Variants in SEPSECS observed in about 807,000 individuals in gnomAD.
SEPSECS encodes the protein Sep (O-phosphoserine) tRNA:Sec (selenocysteine) tRNA synthase, also known as O-phosphoseryl-tRNA(Sec) selenium transferase.
In SEPSECS, 42 loss-of-function variants were observed where a neutral mutation model predicts 52.1. The ratio of observed to expected loss-of-function variants is 0.81; its 90% confidence interval spans 0.63 to 1.04. The LOEUF (loss-of-function observed/expected upper bound fraction) is 1.04, where lower values mean the gene tolerates loss of function less well. Among genes scored for constraint, SEPSECS ranks in the 50% least tolerant of loss-of-function variants. SEPSECS has a pLI of 0.00. For synonymous variants in SEPSECS, 216 were observed against 211.4 expected (o/e 1.02, Z -0.19); for missense variants, 590 against 610.6 (o/e 0.97, Z 0.36).
Position 25,124,162 on chromosome 4 carries a change from A to T in SEPSECS, c.1275T>A (p.His425Gln), listed in dbSNP as rs1312152174. Reference protein sequence around the residue: ...SGYTFRGFMSHTNNYPCAYLN... With the variant: ...SGYTFRGFMSQTNNYPCAYLN... ...GGTAAGCACAAGGGTAATTATTTGT[A>T]TGTGACATAAAGCCTCTGAAAGTAT... is the stretch of plus-strand genomic sequence containing the variant. Residue 425 changes from histidine (H) to glutamine (Q), a missense_variant, in exon 11 of 11, where the codon CAT becomes CAA. Physicochemically the swap from His to Gln is conservative, Grantham distance 24. Transcript: ENST00000382103. The T allele has an allele frequency of 6.2e-7, 1 of 1,613,572 alleles. No individual in the cohort carries two copies. Among genetic ancestry groups the T allele is most frequent in the Non-Finnish European group, 8.5e-7 (1 of 1,179,758 alleles).
At chr4:25,148,643 T>G (rs909841950) in intron 6 of SEPSECS, among the ~76,000 whole-genome samples, 1 of 152,186 alleles carries the variant, frequency 6.6e-6, no homozygotes, top group Non-Finnish European at 1.5e-5. Flanking sequence ...GTTCTAACGT[T>G]CAATAGCACA....
chr4:25,157,214 GC>G (rs1473095676), intron 2 of SEPSECS, among the ~76,000 whole-genome samples: 1 of 152,030 alleles, frequency 6.6e-6, no homozygotes, highest in Non-Finnish European at 1.5e-5. Context: ...TTCTCCCTAT[GC>G]CCACATGCTA....
chr4:25,135,341 G>C (rs1728799425), intron 8 of SEPSECS, among the ~76,000 whole-genome samples: 1 of 151,298 alleles, frequency 6.6e-6, no homozygotes, highest in African/African-American at 2.4e-5. Context: ...TAAGAAAAGA[G>C]AGAAGAATCA....
Position 25,155,123 on chromosome 4 carries a change from A to G in SEPSECS, c.576T>C (p.Val192=), listed in dbSNP as rs1712545122. The G allele has an allele frequency of 6.2e-7, 1 of 1,614,040 alleles. No homozygotes were observed. Among genetic ancestry groups the G allele is most frequent in the East Asian group, 2.2e-5 (1 of 44,892 alleles). The change falls in exon 5 of 11, where the codon GTT becomes GTC. Residue 192 remains valine, a synonymous_variant. Coordinates refer to ENST00000382103, the MANE Select transcript of SEPSECS (RefSeq NM_016955.4). ...AGFEPVVIEN[V]LEGDELRTDL... is the part of the protein sequence containing the mutation. ...CTGTACGCAGCTCGTCACCTTCCAA[A>G]ACATTTTCTATCACCACAGGCTCAA...
At chr4:25,131,460 CCA>C (rs1198377675) in intron 8 of SEPSECS, among the ~76,000 whole-genome samples, 1 of 152,166 alleles carries the variant, frequency 6.6e-6, no homozygotes, top group African/African-American at 2.4e-5. Context: ...AGACAGATGT[CCA>C]TATTGGAGGA....
rs942514530 is a variant in SEPSECS at position 25,120,358 on chromosome 4, C to G, written c.*3573G>C. 2 of 151,940 alleles carry G rather than the reference C, an allele frequency of 1.3e-5. No homozygotes were observed. Among genetic ancestry groups the G allele is most frequent in the Admixed American group, 1.3e-4 (2 of 15,252 alleles). 9.4% of individuals were successfully genotyped at this position (151,940 alleles called of 1,614,324 possible). A position where few individuals can be genotyped will look rare whatever the true frequency, so the allele number is the denominator to read the frequency against. ...CTTACCATCTTACATGCGCACATAC[C>G]AAAAGGGCAAAAGGAAAGTAAAAAG... On this transcript the variant is annotated 3_prime_UTR_variant, in exon 11 of 11. Coordinates refer to ENST00000382103, the MANE Select transcript of SEPSECS (RefSeq NM_016955.4).
At chr4:25,153,374 A>T (rs925529884) in intron 5 of SEPSECS, among the ~76,000 whole-genome samples, 2 of 151,878 alleles carry the variant, frequency 1.3e-5, no homozygotes, top group African/African-American at 4.8e-5. Flanking sequence ...AAAGAAAAAA[A>T]ATAACTTGTG....
At chr4:25,157,221 T>A (rs1712722285) in intron 2 of SEPSECS, among the ~76,000 whole-genome samples, 1 of 152,214 alleles carries the variant, frequency 6.6e-6, no homozygotes, top group Admixed American at 6.5e-5. Flanking sequence ...TATGCCCACA[T>A]GCTACTCCCA....
At chr4:25,158,830 G>A (rs903962862) in intron 2 of SEPSECS, 123 bp downstream of exon 2, 1 of 945,840 alleles carries the variant, frequency 1.1e-6, no homozygotes, top group Non-Finnish European at 1.7e-6. Flanking sequence ...ATATCCATTA[G>A]AGCAGGGAAG....
chr4:25,154,989 A>G lies in SEPSECS; in HGVS notation c.701+9T>C. On this transcript the variant is annotated intron_variant, in intron 5 of 10. Transcript: ENST00000382103. The stretch of plus-strand genomic sequence containing the variant: ...AACAGCTAAAGGACAATATTCACAA[A>G]TCATTTACCTATCAGGCACCCTTGG... 1 of 1,613,714 alleles carries G rather than the reference A, an allele frequency of 6.2e-7. No individual in the cohort carries two copies. Among genetic ancestry groups the G allele is most frequent in the Non-Finnish European group, 8.5e-7 (1 of 1,179,600 alleles).
At chr4:25,137,473 C>T (rs1027938366) in intron 8 of SEPSECS, among the ~76,000 whole-genome samples, 1 of 152,162 alleles carries the variant, frequency 6.6e-6, no homozygotes, top group African/African-American at 2.4e-5. Flanking sequence ...AAAAGCTCAA[C>T]ATCACTGATC....
At chr4:25,158,322 CATTTAAAAGA>C (rs1712813870) in intron 2 of SEPSECS, among the ~76,000 whole-genome samples, 8 of 152,158 alleles carry the variant, frequency 5.3e-5, no homozygotes, top group Admixed American at 5.2e-4. Flanking sequence ...ACAGGAGTTT[CATTTAAAAGA>C]GTTTACACTT....
rs1422069022 is a variant in SEPSECS, at chr4:25,160,312, G to A, written c.58C>T (p.Gln20Ter). Residue 20 changes from glutamine (Q) to a stop codon, truncating the protein, a stop_gained, in exon 1 of 11, where the codon CAG becomes TAG. Coordinates refer to ENST00000382103, the MANE Select transcript of SEPSECS (RefSeq NM_016955.4). LOFTEE classifies it high-confidence loss of function. Reference sequence around the variant, plus strand: ...TGCGAGCGGCGGGCCTCACAGCCCTGCCGCACGTAAGCCGGCGACACCAGC... The same window carrying A: ...TGCGAGCGGCGGGCCTCACAGCCCTACCGCACGTAAGCCGGCGACACCAGC... ...ERLVSPAYVR[Q>*]GCEARRSHEH... The A allele has an allele frequency of 6.5e-7, 1 of 1,549,560 alleles. No individual in the cohort carries two copies. The highest frequency in any genetic ancestry group is 8.7e-7 in the Non-Finnish European group (1 of 1,146,374).
chr4:25,141,437 T>C (rs949040564), intron 8 of SEPSECS, among the ~76,000 whole-genome samples: 1 of 152,192 alleles, frequency 6.6e-6, no homozygotes, highest in East Asian at 1.9e-4. Flanking sequence ...TCAAATTCAA[T>C]TTTGTCCAAA....
intron 6 of SEPSECS, among the ~76,000 whole-genome samples, chr4:25,150,235 T>C (rs1220903611): frequency 6.6e-6 from 1 of 152,242 alleles, no homozygotes; most frequent in Non-Finnish European, 1.5e-5. Flanking sequence ...GTGAATAACT[T>C]ATGCCCACAT....
intron 5 of SEPSECS, among the ~76,000 whole-genome samples, chr4:25,154,084 A>C (rs1283653738): frequency 2.0e-5 from 3 of 152,166 alleles, no homozygotes; most frequent in Non-Finnish European, 4.4e-5. Context: ...TTGAAAGCTG[A>C]TTGGTAAGTA....
In SEPSECS at chr4:25,156,162, G is replaced by C. The variant is rs148753854; in HGVS notation, c.422C>G (p.Pro141Arg). ...VHTVANCFVV[P>R]MATGMSLTLC... ...AGTTAGACTCATACCAGTTGCCATA[G>C]GAACTACAAAGCAGTTGGCTACTGT... The change falls in exon 4 of 11, where the codon CCT (proline) becomes CGT (arginine). Residue 141 changes from proline to arginine, a missense_variant. Coordinates refer to ENST00000382103, the MANE Select transcript of SEPSECS (RefSeq NM_016955.4). 3 of 1,613,900 alleles carry C rather than the reference G, an allele frequency of 1.9e-6. No individual in the cohort carries two copies. The highest frequency in any genetic ancestry group is 2.7e-5 in the African/African-American group (2 of 74,912).
rs372213994 is a variant in SEPSECS at position 25,125,674 on chromosome 4, T to A, written c.1211+20A>T. 10 of 1,528,202 alleles carry A rather than the reference T, an allele frequency of 6.5e-6. No individual in the cohort carries two copies. Among genetic ancestry groups the A allele is most frequent in the Non-Finnish European group, 9.1e-6 (10 of 1,103,436 alleles). The allele number at this position is 1,528,202 out of a possible 1,614,324, so 94.7% of individuals were successfully genotyped here. ...GTTTGAAAAGACAAATAAACCCATA[T>A]CTATCTTAAACATACTTACCTGGCT... On this transcript the variant is annotated intron_variant, in intron 10 of 10. Transcript: ENST00000382103.
chr4:25,121,205 G>GA lies in SEPSECS; in HGVS notation c.*2725dup, dbSNP rs1189307151. 1 of 152,082 alleles carries GA rather than the reference G, an allele frequency of 6.6e-6. No individual in the cohort carries two copies. Among genetic ancestry groups the GA allele is most frequent in the Non-Finnish European group, 1.5e-5 (1 of 67,962 alleles). The allele number at this position is 152,082 out of a possible 1,614,324, so 9.4% of individuals were successfully genotyped here. ...CACATATCATTCCCTGATAGAGCGAGAATTCATCAGCAGAGGACCTAAGAA... is the reference window on the plus strand; with the variant it reads ...CACATATCATTCCCTGATAGAGCGAGAAATTCATCAGCAGAGGACCTAAGAA... On this transcript the variant is annotated 3_prime_UTR_variant, in exon 11 of 11. Coordinates refer to ENST00000382103, the MANE Select transcript of SEPSECS (RefSeq NM_016955.4).
Sources: gnomAD v4.1 joint callset for allele counts (sites outside exome capture counted in the v4.1 genomes callset) on GRCh38, gnomAD v4.1.1 for gene constraint, MANE v1.5 for transcripts, NCBI Gene and HGNC (gene_info 2026-07-23, HGNC 2026-07-21) for gene names.